DMD: variants seen among roughly 807,000 people sequenced by gnomAD.
DMD encodes dystrophin, also known as mutant dystrophin.
In DMD, 63 loss-of-function variants were observed where a neutral mutation model predicts 330.1. That is an observed-to-expected ratio of 0.19 (90% CI 0.16 to 0.24). DMD has a LOEUF of 0.24. DMD is among the 10% of genes least tolerant of loss of function. The probability of loss-of-function intolerance (pLI) is 1.00; values close to 1 mark genes in which losing one functional copy is unlikely to be tolerated. For missense variants in DMD, 3,344 were observed against 2,684.1 expected, an observed-to-expected ratio of 1.25 and a Z score of -5.43; for synonymous variants, 1,223 against 959.8, an observed-to-expected ratio of 1.27 and a Z score of -5.07.
intron 1 of DMD, among the ~76,000 whole-genome samples, chrX:33,303,959 T>C (rs945525330): frequency 8.0e-5 from 9 of 112,033 alleles, no homozygotes; most frequent in Non-Finnish European, 1.3e-4. Flanking sequence ...CCTCTCTTAA[T>C]ATAATTTTAT....
At chrX:33,329,523 G>A (rs1323284665) in intron 1 of DMD, among the ~76,000 whole-genome samples, 1 of 112,070 alleles carries the variant, frequency 8.9e-6, no homozygotes, top group Non-Finnish European at 1.9e-5. Flanking sequence ...ATCCAGAGTA[G>A]ATGGAATAAG....
intron 2 of DMD, among the ~76,000 whole-genome samples, chrX:32,942,981 T>G (rs2090534545): frequency 9.0e-6 from 1 of 111,455 alleles, no homozygotes; most frequent in South Asian, 3.7e-4. Flanking sequence ...AAAAGAAAAA[T>G]TAGTTAATAG....
chrX:31,879,454 C>G (rs1219637979), intron 47 of DMD, among the ~76,000 whole-genome samples: 1 of 111,587 alleles, frequency 9.0e-6, no homozygotes, highest in Non-Finnish European at 1.9e-5. Context: ...GGTGGGGACA[C>G]AGCCAAACCA....
At chrX:32,776,075 T>C (rs2074108669) in intron 7 of DMD, among the ~76,000 whole-genome samples, 2 of 111,835 alleles carry the variant, frequency 1.8e-5, no homozygotes, top group African/African-American at 3.3e-5. Flanking sequence ...CACAGATGTC[T>C]AGGGAAGGGG....
intron 55 of DMD, among the ~76,000 whole-genome samples, chrX:31,611,423 A>G (rs986513804): frequency 3.6e-5 from 4 of 111,091 alleles, no homozygotes; most frequent in African/African-American, 1.3e-4. Flanking sequence ...AAAATAAGAT[A>G]TTTTGCACTC....
At chrX:31,158,358 A>T (rs1295999771) in intron 74 of DMD, among the ~76,000 whole-genome samples, 1 of 112,219 alleles carries the variant, frequency 8.9e-6, no homozygotes, top group East Asian at 2.8e-4. Flanking sequence ...AAGACTTTAT[A>T]TTGTATTATT....
rs189893026 is a variant in DMD at position 32,225,074 on chromosome X, A to G, written c.6291-8011T>C. Among the ~76,000 whole-genome samples the G allele has an allele frequency of 2.0e-3, 219 of 112,121 alleles. 2 individuals carry two copies. Among genetic ancestry groups the G allele is most frequent in the African/African-American group, 6.7e-3 (208 of 30,920 alleles). On this transcript the variant is annotated intron_variant, in intron 43 of 78. Coordinates refer to ENST00000357033, the MANE Select transcript of DMD (RefSeq NM_004006.3). ...TCCCCTCAAAGGAATTCTAGTTTTT[A>G]TAGGTAAACTTGTTAAATGTCTTGT...
intron 9 of DMD, among the ~76,000 whole-genome samples, chrX:32,657,448 C>T (rs1487345438): frequency 6.2e-5 from 7 of 112,061 alleles, no homozygotes; most frequent in Non-Finnish European, 1.3e-4. Flanking sequence ...TTTGTTCTTA[C>T]TGTTTCATAT....
At chrX:31,272,120 G>A (rs2051680432) in intron 62 of DMD, among the ~76,000 whole-genome samples, 1 of 111,525 alleles carries the variant, frequency 9.0e-6, no homozygotes, top group Non-Finnish European at 1.9e-5. Context: ...TCACCAGACA[G>A]GTTCCAGATA....
At position 32,491,756 on chromosome X, in the gene DMD, G is replaced by T. The variant is rs998831386; in HGVS notation, c.2381-238C>A. On this transcript the variant is annotated intron_variant, in intron 19 of 78. Coordinates refer to ENST00000357033, the MANE Select transcript of DMD (RefSeq NM_004006.3). ...ATCAAGTAATAAGACATAAGATGTA[G>T]AAAATTAGAATATATGTAAATAAAA... 5.4e-5 allele frequency among the ~76,000 whole-genome samples: 6 copies of T among 111,474 alleles called. No homozygotes were observed. The Admixed American group carries it at 5.7e-4, about 11-fold the overall frequency.
chrX:31,974,023 C>A (rs2095418319), intron 44 of DMD, among the ~76,000 whole-genome samples: 1 of 111,574 alleles, frequency 9.0e-6, no homozygotes, highest in South Asian at 3.7e-4. Context: ...AGTTGTGAAA[C>A]AATGGTAGAT....
chrX:31,153,025 A>C (rs2147996719), intron 74 of DMD, among the ~76,000 whole-genome samples: 1 of 111,698 alleles, frequency 9.0e-6, no homozygotes, highest in East Asian at 2.8e-4. Flanking sequence ...TAAACTCATT[A>C]TCTCTCTCTC....
chrX:32,875,715 C>T (rs1236093478), intron 2 of DMD, among the ~76,000 whole-genome samples: 1 of 112,063 alleles, frequency 8.9e-6, no homozygotes, highest in Non-Finnish European at 1.9e-5. Flanking sequence ...AAGTAAATTT[C>T]AATTCAATCA....
intron 2 of DMD, among the ~76,000 whole-genome samples, chrX:32,857,608 G>C (rs1289044380): frequency 8.9e-6 from 1 of 112,039 alleles, no homozygotes; most frequent in Non-Finnish European, 1.9e-5. Flanking sequence ...AGAGATACTT[G>C]TTTTTATGAA....
At chrX:32,759,542 T>G (rs1050309724) in intron 7 of DMD, among the ~76,000 whole-genome samples, 1 of 111,238 alleles carries the variant, frequency 9.0e-6, no homozygotes, top group African/African-American at 3.3e-5. Context: ...GCAAAATTGT[T>G]TGCTTGTTCT....
intron 67 of DMD, among the ~76,000 whole-genome samples, chrX:31,203,037 T>TG: frequency 9.0e-6 from 1 of 111,019 alleles, no homozygotes; most frequent in South Asian, 3.8e-4. Context: ...ATCCGAGCAC[T>TG]TTGGGAGTTC....
At chrX:31,338,943 CAAAAAA>C (rs151110457) in intron 61 of DMD, among the ~76,000 whole-genome samples, 1 of 64,165 alleles carries the variant, frequency 1.6e-5, no homozygotes, top group African/African-American at 5.8e-5. Context: ...CATCTATGCA[CAAAAAA>C]AAAAAAAAAA....
intron 43 of DMD, among the ~76,000 whole-genome samples, chrX:32,267,995 A>G (rs1437934570): frequency 8.9e-6 from 1 of 112,413 alleles, no homozygotes; most frequent in Non-Finnish European, 1.9e-5. Context: ...AAGTAAGTCA[A>G]TAAGGAAGAA....
At chrX:31,307,896 G>A (rs934150095) in intron 62 of DMD, among the ~76,000 whole-genome samples, 1 of 111,555 alleles carries the variant, frequency 9.0e-6, no homozygotes, top group Non-Finnish European at 1.9e-5. Flanking sequence ...CCAGGCATGA[G>A]TTTTCTGGAA....
Sources: allele counts gnomAD v4.1 joint callset (sites outside exome capture counted in the v4.1 genomes callset), GRCh38; gene constraint gnomAD v4.1.1; transcripts MANE v1.5; gene names NCBI Gene and HGNC (gene_info 2026-07-23, HGNC 2026-07-21).